Variants in SLIT3 observed in about 807,000 individuals in gnomAD.
SLIT3 encodes the protein slit guidance ligand 3, also known as slit homolog 3 protein.
In SLIT3, 68 loss-of-function variants were observed where a neutral mutation model predicts 184.0. The ratio of observed to expected loss-of-function variants is 0.37; its 90% CI spans 0.30 to 0.45. SLIT3 has a LOEUF of 0.45. Ranked by LOEUF, SLIT3 falls within the 20% of genes least tolerant of loss-of-function variation. SLIT3 has a pLI of 1.00. For synonymous variants in SLIT3, 831 were observed against 828.6 expected (o/e 1.00, Z -0.05); for missense variants, 1,707 against 2,026.0 (o/e 0.84, Z 3.02).
At chr5:168,861,416 C>A (rs950588116) in intron 5 of SLIT3, among the ~76,000 whole-genome samples, 14 of 150,502 alleles carry the variant, frequency 9.3e-5, no homozygotes, top group Non-Finnish European at 2.1e-4. Context: ...CCGCCCCCAC[C>A]AGCCCGCCCA....
chr5:168,882,489 G>A (rs1328998905), intron 5 of SLIT3, among the ~76,000 whole-genome samples: 1 of 152,134 alleles, frequency 6.6e-6, no homozygotes, highest in East Asian at 1.9e-4. Flanking sequence ...AAATCACACA[G>A]AACTACCTAT....
chr5:168,936,383 C>T (rs943013007), intron 4 of SLIT3, among the ~76,000 whole-genome samples: 1 of 152,180 alleles, frequency 6.6e-6, no homozygotes, highest in Non-Finnish European at 1.5e-5. Context: ...TACATGCGCA[C>T]ACCACCAAGC....
intron 34 of SLIT3, 107 bp from the exon 35 acceptor site, chr5:168,670,098 G>A (rs765316911): frequency 3.9e-4 from 334 of 861,836 alleles, no homozygotes; most frequent in Non-Finnish European, 5.7e-4. Flanking sequence ...GCTGAGTACA[G>A]TCCAATAGCT....
At chr5:169,231,787 C>G (rs984417699) in intron 3 of SLIT3, among the ~76,000 whole-genome samples, 1 of 152,120 alleles carries the variant, frequency 6.6e-6, no homozygotes, top group African/African-American at 2.4e-5. Context: ...ACTCCCGTAA[C>G]AGTATATGGT....
At chr5:168,850,841 CA>C (rs1758641820) in intron 5 of SLIT3, among the ~76,000 whole-genome samples, 1 of 152,178 alleles carries the variant, frequency 6.6e-6, no homozygotes, top group African/African-American at 2.4e-5. Flanking sequence ...TGCAATAATG[CA>C]AACAGCGATG....
intron 6 of SLIT3, among the ~76,000 whole-genome samples, chr5:168,841,042 G>A (rs548061014): frequency 6.6e-6 from 1 of 152,358 alleles, no homozygotes; most frequent in Non-Finnish European, 1.5e-5. Context: ...ATTCTCCCCA[G>A]CGGGATTGTG....
chr5:169,123,171 T>A (rs1760945538), intron 4 of SLIT3, among the ~76,000 whole-genome samples: 1 of 152,108 alleles, frequency 6.6e-6, no homozygotes, highest in South Asian at 2.1e-4. Flanking sequence ...TAGTTTGAGG[T>A]ACTAAGAAAG....
chr5:169,161,199 A>C (rs1280626850), intron 4 of SLIT3, among the ~76,000 whole-genome samples: 1 of 152,190 alleles, frequency 6.6e-6, no homozygotes, highest in African/African-American at 2.4e-5. Context: ...GCGGTGCCCC[A>C]GTCTCCTGAC....
At position 169,087,950 on chromosome 5, in the gene SLIT3, A is replaced by G. The variant is rs1759377059; in HGVS notation, c.413+105529T>C. 4.6e-5 allele frequency among the ~76,000 whole-genome samples: 7 copies of G among 152,174 alleles called. No homozygotes were observed. The South Asian group carries it at 1.0e-3, about 23-fold the overall frequency. ...TTGAGTTCTAACTTGGCATCCCCCT[A>G]CTTTCCTCCGTTCTCTTTATCCTCC... is the stretch of plus-strand genomic sequence containing the variant. On this transcript the variant is annotated intron_variant, in intron 4 of 35. Coordinates refer to ENST00000519560, the MANE Select transcript of SLIT3 (RefSeq NM_003062.4).
At chr5:168,700,889 G>T (rs2113283431) in intron 26 of SLIT3, among the ~76,000 whole-genome samples, 1 of 152,316 alleles carries the variant, frequency 6.6e-6, no homozygotes, top group Admixed American at 6.5e-5. Context: ...GAAGAGTGAT[G>T]AGAAGCCAGG....
chr5:168,795,762 G>A (rs1756545114), intron 9 of SLIT3, among the ~76,000 whole-genome samples, 184 bp from the exon 10 acceptor site: 2 of 152,128 alleles, frequency 1.3e-5, no homozygotes, highest in Non-Finnish European at 2.9e-5. Context: ...AGTACATGGA[G>A]CACCTGTCCA....
intron 7 of SLIT3, among the ~76,000 whole-genome samples, chr5:168,819,631 A>T (rs2113662040): frequency 6.6e-6 from 1 of 152,350 alleles, no homozygotes; most frequent in South Asian, 2.1e-4. Flanking sequence ...GTTCCGATCA[A>T]GGGTAAGAGA....
chr5:169,239,354 C>G (rs184636592), intron 3 of SLIT3, among the ~76,000 whole-genome samples: 1 of 151,972 alleles, frequency 6.6e-6, no homozygotes, highest in East Asian at 1.9e-4. Flanking sequence ...GCTAAATAGA[C>G]AAATGTTCAT....
In SLIT3 at chr5:168,901,431, T is replaced by C. The variant is rs142664339; in HGVS notation, c.414-18095A>G. 1.1e-3 allele frequency among the ~76,000 whole-genome samples: 157 copies of C among 148,714 alleles called. 1 individual carries two copies. In the East Asian group the frequency reaches 0.027, roughly 26 times the overall value. ...CTACCCCATAAGTTTATACAGATAA[T>C]AATAAAAAGAATCTCCATCCTCAAC... On this transcript the variant is annotated intron_variant, in intron 4 of 35. Transcript: ENST00000519560.
intron 16 of SLIT3, among the ~76,000 whole-genome samples, chr5:168,756,035 C>G (rs1415130413): frequency 6.6e-6 from 1 of 152,224 alleles, no homozygotes; most frequent in South Asian, 2.1e-4. Flanking sequence ...CTATTCAGAG[C>G]CTTGCATGGG....
intron 15 of SLIT3, among the ~76,000 whole-genome samples, chr5:168,762,007 G>A (rs1439299342): frequency 6.8e-6 from 1 of 147,988 alleles, no homozygotes; most frequent in Non-Finnish European, 1.5e-5. Context: ...CTGGCCTCAA[G>A]TGATCCTCTC....
rs182086721 is a variant in SLIT3 at position 169,264,591 on chromosome 5, C to T, written c.198-13132G>A. On this transcript the variant is annotated intron_variant, in intron 1 of 35. Transcript: ENST00000519560. Reference sequence around the variant, plus strand: ...CCCCAGTCCAAAGGACCTAATGCCACCCACCCAGCTACCCTGATGAAAGAG... The same window carrying T: ...CCCCAGTCCAAAGGACCTAATGCCATCCACCCAGCTACCCTGATGAAAGAG... Among the ~76,000 whole-genome samples the T allele has an allele frequency of 1.0e-3, 155 of 152,288 alleles. 3 individuals are homozygous for T. The Middle Eastern group carries it at 0.017, about 17-fold the overall frequency.
chr5:169,143,040 A>G (rs1402658337), intron 4 of SLIT3, among the ~76,000 whole-genome samples: 1 of 152,232 alleles, frequency 6.6e-6, no homozygotes, highest in Non-Finnish European at 1.5e-5. Flanking sequence ...ATAGGAAAGG[A>G]GGGTGGATCC....
intron 5 of SLIT3, among the ~76,000 whole-genome samples, chr5:168,881,223 T>C (rs1002810948): frequency 6.6e-6 from 1 of 152,188 alleles, no homozygotes; most frequent in South Asian, 2.1e-4. Context: ...TGGTGGGTGC[T>C]GGAGTGACTT....
Sources: gnomAD v4.1 joint callset for allele counts (sites outside exome capture counted in the v4.1 genomes callset) on GRCh38, gnomAD v4.1.1 for gene constraint, MANE v1.5 for transcripts, NCBI Gene and HGNC (gene_info 2026-07-23, HGNC 2026-07-21) for gene names.